AFG1L: variants seen among roughly 807,000 people sequenced by gnomAD.
The protein encoded by AFG1L is AFG1 like ATPase.
In AFG1L, 53 loss-of-function variants were observed where a neutral mutation model predicts 62.2. The observed-to-expected ratio is 0.85, with a 90% confidence interval of 0.68 to 1.07. The LOEUF (loss-of-function observed/expected upper bound fraction) is 1.07. Ranked by LOEUF, AFG1L falls within the 50% of genes least tolerant of loss-of-function variation. The pLI is 0.00. For synonymous variants in AFG1L, 228 were observed against 210.3 expected (o/e 1.08, Z -0.73); for missense variants, 555 against 590.5 (o/e 0.94, Z 0.62).
intron 3 of AFG1L, among the ~76,000 whole-genome samples, chr6:108,348,568 T>A (rs1778957885): frequency 6.6e-6 from 1 of 152,254 alleles, no homozygotes; most frequent in Non-Finnish European, 1.5e-5. Flanking sequence ...ATTCTTCAGG[T>A]TCTTGAAATT....
chr6:108,494,851 A>C (rs1439469748), intron 10 of AFG1L, among the ~76,000 whole-genome samples: 2 of 151,278 alleles, frequency 1.3e-5, no homozygotes, highest in Non-Finnish European at 2.9e-5. Context: ...GCTCACTGCA[A>C]CCTACGCCTC....
chr6:108,485,643 TATATATATA>T (rs1261732033), intron 10 of AFG1L, among the ~76,000 whole-genome samples: 2 of 19,372 alleles, frequency 1.0e-4, no homozygotes, highest in African/African-American at 5.2e-4. Flanking sequence ...TATATATATA[TATATATATA>T]TATATTTTTT....
At chr6:108,320,093 CAAT>C (rs1418439754) in intron 1 of AFG1L, among the ~76,000 whole-genome samples, 1 of 152,094 alleles carries the variant, frequency 6.6e-6, no homozygotes, top group African/African-American at 2.4e-5. Context: ...CTCCTTTAAA[CAAT>C]GAGACGAATT....
intron 1 of AFG1L, among the ~76,000 whole-genome samples, chr6:108,299,122 G>A (rs757246704): frequency 2.6e-5 from 4 of 152,040 alleles, no homozygotes; most frequent in East Asian, 1.9e-4. Flanking sequence ...TTAGCTGGGC[G>A]TGGTGGTGCA....
At chr6:108,295,265 G>A (rs758151204) in intron 1 of AFG1L, 47 bp downstream of exon 1, 7 of 1,557,464 alleles carry the variant, frequency 4.5e-6, no homozygotes, top group Non-Finnish European at 6.0e-6. Flanking sequence ...CATATGACTG[G>A]AGAAGCCTCT....
At chr6:108,409,593 T>C (rs1212500840) in intron 7 of AFG1L, among the ~76,000 whole-genome samples, 1 of 152,160 alleles carries the variant, frequency 6.6e-6, no homozygotes, top group Non-Finnish European at 1.5e-5. Context: ...AAAGTAGTCA[T>C]GGTACTGATG....
chr6:108,361,813 C>T (rs575192734), intron 5 of AFG1L, among the ~76,000 whole-genome samples: 18 of 152,282 alleles, frequency 1.2e-4, no homozygotes, highest in Non-Finnish European at 1.9e-4. Context: ...TGCAGCTTAC[C>T]GTTGACCCCC....
chr6:108,322,506 T>C (rs1284596432), intron 1 of AFG1L, among the ~76,000 whole-genome samples: 1 of 152,176 alleles, frequency 6.6e-6, no homozygotes, highest in Non-Finnish European at 1.5e-5. Flanking sequence ...CATACCTGAC[T>C]GCAAGAGAGG....
chr6:108,304,132 A>T (rs1777114463), intron 1 of AFG1L, among the ~76,000 whole-genome samples: 1 of 152,222 alleles, frequency 6.6e-6, no homozygotes, highest in African/African-American at 2.4e-5. Context: ...TTTAAATCAA[A>T]AGCACCCTTT....
At chr6:108,431,448 A>G (rs966805082) in intron 7 of AFG1L, among the ~76,000 whole-genome samples, 10 of 152,112 alleles carry the variant, frequency 6.6e-5, no homozygotes, top group Non-Finnish European at 1.5e-4. Context: ...TACAAATACT[A>G]TATTTTACAA....
At chr6:108,355,872 T>C (rs1779269986) in intron 4 of AFG1L, 117 bp downstream of exon 4, 1 of 732,786 alleles carries the variant, frequency 1.4e-6, no homozygotes, top group African/African-American at 1.8e-5. Context: ...AGTAAGATTT[T>C]ATTTGGTTCC....
intron 6 of AFG1L, among the ~76,000 whole-genome samples, chr6:108,397,250 C>G (rs769271175): frequency 6.6e-6 from 1 of 152,178 alleles, no homozygotes; most frequent in Non-Finnish European, 1.5e-5. Context: ...GCCTCAGTCT[C>G]CCAAGTAGCT....
intron 1 of AFG1L, among the ~76,000 whole-genome samples, chr6:108,311,928 G>T (rs577698026): frequency 4.0e-5 from 6 of 151,800 alleles, no homozygotes; most frequent in Non-Finnish European, 8.8e-5. Context: ...AAAGTGGTAC[G>T]ATCTCTGCTC....
intron 8 of AFG1L, among the ~76,000 whole-genome samples, chr6:108,463,261 C>G (rs1276384141): frequency 2.1e-5 from 3 of 143,596 alleles, no homozygotes; most frequent in Non-Finnish European, 3.0e-5. Flanking sequence ...TGCACTCCAG[C>G]CTGGGTGACA....
intron 6 of AFG1L, among the ~76,000 whole-genome samples, chr6:108,395,649 G>A (rs1268598899): frequency 2.0e-5 from 3 of 151,740 alleles, no homozygotes; most frequent in Admixed American, 6.6e-5. Flanking sequence ...CAATCCACCC[G>A]CCTTGGCCTC....
At chr6:108,505,319 C>T (rs1426093994) in intron 10 of AFG1L, among the ~76,000 whole-genome samples, 1 of 152,108 alleles carries the variant, frequency 6.6e-6, no homozygotes, top group Non-Finnish European at 1.5e-5. Flanking sequence ...GTCTTGAACT[C>T]CTGACCTCGT....
At chr6:108,468,363 G>GA (rs1772752418) in intron 8 of AFG1L, among the ~76,000 whole-genome samples, 4 of 152,094 alleles carry the variant, frequency 2.6e-5, no homozygotes, top group African/African-American at 9.7e-5. Flanking sequence ...TATTCTCTTA[G>GA]AATATTTTAG....
intron 2 of AFG1L, among the ~76,000 whole-genome samples, chr6:108,327,136 T>G (rs1778077331): frequency 6.6e-6 from 1 of 152,206 alleles, no homozygotes. Context: ...ATTTTACTTT[T>G]TAATAAAGCT....
intron 7 of AFG1L, among the ~76,000 whole-genome samples, chr6:108,438,678 G>A (rs1423520366): frequency 1.3e-5 from 2 of 152,098 alleles, no homozygotes; most frequent in African/African-American, 2.4e-5. Context: ...CAGTTGCCTA[G>A]CCCATCTAAA....
Sources: gnomAD v4.1 joint callset for allele counts (sites outside exome capture counted in the v4.1 genomes callset) on GRCh38, gnomAD v4.1.1 for gene constraint, MANE v1.5 for transcripts, NCBI Gene and HGNC (gene_info 2026-07-23, HGNC 2026-07-21) for gene names.